The following RSPRY1 variants were observed in gnomAD, a reference collection of about 807,000 sequenced individuals.
The protein encoded by RSPRY1 is ring finger and SPRY domain containing 1.
In RSPRY1, 23 loss-of-function variants were observed where a neutral mutation model predicts 73.1. The ratio of observed to expected loss-of-function variants is 0.31; its 90% CI spans 0.23 to 0.45. The LOEUF is 0.45. RSPRY1 is among the 20% of genes least tolerant of loss of function. The pLI is 1.00. For missense variants in RSPRY1, 448 were observed against 698.7 expected (o/e 0.64, Z 4.05); for synonymous variants, 226 against 251.4 (o/e 0.90, Z 0.95).
chr16:57,213,572 C>T (rs2074885402), intron 5 of RSPRY1, among the ~76,000 whole-genome samples: 1 of 152,162 alleles, frequency 6.6e-6, no homozygotes, highest in Admixed American at 6.5e-5. Context: ...AGAAAGTTAA[C>T]AGCAAAGTAC....
intron 10 of RSPRY1, among the ~76,000 whole-genome samples, chr16:57,226,243 AT>A: frequency 6.6e-6 from 1 of 152,320 alleles, no homozygotes; most frequent in Non-Finnish European, 1.5e-5. Context: ...CAAGAAAGGT[AT>A]TTGCCTGATC....
At chr16:57,212,015 C>T (rs915895852) in intron 4 of RSPRY1, among the ~76,000 whole-genome samples, 8 of 152,198 alleles carry the variant, frequency 5.3e-5, no homozygotes, top group African/African-American at 1.7e-4. Flanking sequence ...TTCAATTTGC[C>T]TTCAACTCTG....
At chr16:57,198,666 G>A (rs1194103320) in intron 1 of RSPRY1, among the ~76,000 whole-genome samples, 2 of 151,998 alleles carry the variant, frequency 1.3e-5, no homozygotes, top group African/African-American at 4.8e-5. Flanking sequence ...TCCCCTTCAA[G>A]GCTTTGTTTT....
At chr16:57,190,781 T>G (rs1282457428) in intron 1 of RSPRY1, among the ~76,000 whole-genome samples, 2 of 152,180 alleles carry the variant, frequency 1.3e-5, no homozygotes, top group East Asian at 3.8e-4. Flanking sequence ...CCTTTGTGAG[T>G]AGAGAAAACA....
chr16:57,203,595 C>T (rs2074667268), intron 1 of RSPRY1, among the ~76,000 whole-genome samples: 1 of 152,102 alleles, frequency 6.6e-6, no homozygotes, highest in African/African-American at 2.4e-5. Flanking sequence ...CAGATTTTAC[C>T]AGCTTCTTGA....
intron 8 of RSPRY1, among the ~76,000 whole-genome samples, chr16:57,217,241 C>T (rs924004338): frequency 6.6e-6 from 1 of 152,140 alleles, no homozygotes; most frequent in South Asian, 2.1e-4. Flanking sequence ...TCAGCATTTT[C>T]CTGTTCAAAA....
At chr16:57,231,644 A>G (rs1039335097) in intron 13 of RSPRY1, among the ~76,000 whole-genome samples, 4 of 152,218 alleles carry the variant, frequency 2.6e-5, no homozygotes, top group African/African-American at 9.7e-5. Flanking sequence ...TTTTTTTGTG[A>G]GATAAATAAG....
At chr16:57,229,690 CTTTTTTTTTTTT>C (rs1162737560) in intron 11 of RSPRY1, among the ~76,000 whole-genome samples, 4 of 42,138 alleles carry the variant, frequency 9.5e-5, no homozygotes, top group Non-Finnish European at 1.6e-4. Flanking sequence ...AAGATAAATG[CTTTTTTTTTTTT>C]TTTTTTTTTT....
At chr16:57,228,684 A>G (rs1288808922) in intron 11 of RSPRY1, among the ~76,000 whole-genome samples, 2 of 152,108 alleles carry the variant, frequency 1.3e-5, no homozygotes. Context: ...ATTAAATAAC[A>G]TTACTTTTTA....
rs112725750 is a variant in RSPRY1 at position 57,205,068 on chromosome 16, G to A, written c.350+60G>A. On this transcript the variant is annotated intron_variant, in intron 2 of 14. Coordinates refer to ENST00000394420, the MANE Select transcript of RSPRY1 (RefSeq NM_133368.3). ...TGAAAAGTGTTCTGCCCGGAACCAT[G>A]ACTTTAGGACTCCTTCAGTTCCTTT... 0.038 allele frequency: 47,914 copies of A among 1,264,694 alleles called. 1,066 individuals carry two copies. The highest frequency in any genetic ancestry group is 0.093 in the Middle Eastern group (450 of 4,818). The allele number at this position is 1,264,694 out of a possible 1,614,324, so 78.3% of individuals were successfully genotyped here.
At chr16:57,215,267 G>T (rs2074918799) in intron 6 of RSPRY1, among the ~76,000 whole-genome samples, 1 of 152,232 alleles carries the variant, frequency 6.6e-6, no homozygotes, top group South Asian at 2.1e-4. Context: ...ATAGGACACA[G>T]ACTGAGTAGC....
intron 8 of RSPRY1, among the ~76,000 whole-genome samples, chr16:57,218,829 G>T (rs1271380914): frequency 1.7e-5 from 2 of 116,768 alleles, no homozygotes; most frequent in African/African-American, 6.9e-5. Flanking sequence ...TCTGCCTCCC[G>T]GGTTCACGCC....
In RSPRY1 at chr16:57,212,382, A is replaced by ACT. The variant is rs1235533885; in HGVS notation, c.517-590_517-589insCT. 1.3e-3 allele frequency among the ~76,000 whole-genome samples: 200 copies of ACT among 152,294 alleles called. 1 individual carries two copies. The highest frequency in any genetic ancestry group is 4.6e-3 in the African/African-American group (192 of 41,572). On this transcript the variant is annotated intron_variant, in intron 4 of 14. Coordinates refer to ENST00000394420, the MANE Select transcript of RSPRY1 (RefSeq NM_133368.3). The stretch of plus-strand genomic sequence containing the variant: ...TTTTAAAGTAACTTTTTACTTCAAC[A>ACT]TCACCAGCCTTTAATGTTTTCATAA...
intron 13 of RSPRY1, among the ~76,000 whole-genome samples, chr16:57,231,734 C>G (rs369768929): frequency 6.6e-6 from 1 of 151,814 alleles, no homozygotes; most frequent in Admixed American, 6.6e-5. Flanking sequence ...TGTCAAAATC[C>G]TAAATATTAG....
At chr16:57,210,714 A>G (rs2074825284) in intron 4 of RSPRY1, among the ~76,000 whole-genome samples, 1 of 146,168 alleles carries the variant, frequency 6.8e-6, no homozygotes, top group Non-Finnish European at 1.5e-5. Context: ...CTCTGTCTCA[A>G]AAAAAAAAAA....
intron 10 of RSPRY1, among the ~76,000 whole-genome samples, chr16:57,222,560 A>G (rs1175960505): frequency 6.6e-6 from 1 of 152,250 alleles, no homozygotes; most frequent in Non-Finnish European, 1.5e-5. Context: ...ACTAGACCCC[A>G]GTCTGCCAAT....
At chr16:57,195,328 A>C (rs190436632) in intron 1 of RSPRY1, among the ~76,000 whole-genome samples, 12 of 152,160 alleles carry the variant, frequency 7.9e-5, no homozygotes, top group Non-Finnish European at 1.8e-4. Flanking sequence ...CCTGGTGAAC[A>C]TGGTGAAACC....
At position 57,230,731 on chromosome 16, in the gene RSPRY1, T is replaced by C. The variant is rs1452126052; in HGVS notation, c.1294T>C (p.Leu432=). 2 of 1,603,570 alleles carry C rather than the reference T, an allele frequency of 1.2e-6. No individual in the cohort carries two copies. Among genetic ancestry groups the C allele is most frequent in the South Asian group, 2.2e-5 (2 of 90,876 alleles). ...WKEGDTVGFL[L]DLNEKQMIFF... Reference sequence around the variant, plus strand: ...TCTAGGAGATACAGTAGGATTTCTGTTAGACTTGAATGAAAAGCAAATGAT... The same window carrying C: ...TCTAGGAGATACAGTAGGATTTCTGCTAGACTTGAATGAAAAGCAAATGAT... Residue 432 remains leucine (L), a synonymous_variant, in exon 12 of 15, where the codon TTA becomes CTA. Transcript: ENST00000394420.
rs188654275 is a variant in RSPRY1 at position 57,190,517 on chromosome 16, A to G, written c.-156+4066A>G. 2.0e-5 allele frequency among the ~76,000 whole-genome samples: 3 copies of G among 152,354 alleles called. No homozygotes were observed. In the East Asian group the frequency reaches 5.8e-4, roughly 29 times the overall value. ...TATTTCAAAAGAATTATTTGGGGAT[A>G]ATAAACTATGGATTTAGCTTCTCTT... On this transcript the variant is annotated intron_variant, in intron 1 of 14. Transcript: ENST00000394420.
Sources: gnomAD v4.1 joint callset for allele counts (sites outside exome capture counted in the v4.1 genomes callset) on GRCh38, gnomAD v4.1.1 for gene constraint, MANE v1.5 for transcripts, NCBI Gene and HGNC (gene_info 2026-07-23, HGNC 2026-07-21) for gene names.